The following CADM2 variants were observed in gnomAD, a reference collection of about 807,000 sequenced individuals.
The protein encoded by CADM2 is cell adhesion molecule 2.
Under a neutral mutation model 49.8 loss-of-function variants are expected in CADM2, and 12 were observed. The observed-to-expected ratio is 0.24, with a 90% CI of 0.15 to 0.39. The LOEUF is 0.39. Among genes scored for constraint, CADM2 ranks in the 10% least tolerant of loss-of-function variants. The pLI, the probability that CADM2 is intolerant of heterozygous loss-of-function variation, is 1.00. For synonymous variants in CADM2, 214 were observed against 175.4 expected, an observed-to-expected ratio of 1.22 and a Z score of -1.74; for missense variants, 378 against 492.3, an observed-to-expected ratio of 0.77 and a Z score of 2.20.
intron 1 of CADM2, among the ~76,000 whole-genome samples, chr3:85,429,434 G>A (rs74791095): frequency 0.046 from 6,959 of 151,998 alleles, 544 homozygotes; most frequent in African/African-American, 0.16. Context: ...CAATCAACTG[G>A]TATAGGGTTT....
chr3:85,938,796 C>T (rs998370111), intron 7 of CADM2, among the ~76,000 whole-genome samples: 2 of 151,760 alleles, frequency 1.3e-5, no homozygotes, highest in African/African-American at 4.8e-5. Flanking sequence ...TAAGTAAGCA[C>T]TTAATTTTTA....
At chr3:85,710,198 A>G (rs939464441) in intron 1 of CADM2, among the ~76,000 whole-genome samples, 5 of 152,152 alleles carry the variant, frequency 3.3e-5, no homozygotes, top group African/African-American at 1.2e-4. Flanking sequence ...ACAAGCTAAA[A>G]GACCTCCTTC....
intron 1 of CADM2, among the ~76,000 whole-genome samples, chr3:85,008,895 A>G (rs2033862507): frequency 6.6e-6 from 1 of 152,324 alleles, no homozygotes; most frequent in African/African-American, 2.4e-5. Flanking sequence ...CGGATACTAA[A>G]TGAAATCTTT....
At chr3:85,437,312 C>A (rs1035608871) in intron 1 of CADM2, among the ~76,000 whole-genome samples, 1 of 152,100 alleles carries the variant, frequency 6.6e-6, no homozygotes, top group African/African-American at 2.4e-5. Flanking sequence ...TTTCTGTAAA[C>A]AGCTGTGTGC....
chr3:85,184,009 T>A (rs1342180191), intron 1 of CADM2, among the ~76,000 whole-genome samples: 1 of 152,080 alleles, frequency 6.6e-6, no homozygotes, highest in Non-Finnish European at 1.5e-5. Flanking sequence ...AATGGTTAGA[T>A]CATTAGGTGT....
chr3:85,888,423 A>T (rs1318659759), intron 5 of CADM2, among the ~76,000 whole-genome samples: 1 of 152,208 alleles, frequency 6.6e-6, no homozygotes, highest in East Asian at 1.9e-4. Flanking sequence ...CTTATAAACA[A>T]CATAGTTTAA....
chr3:85,941,961 A>G (rs1721963555), intron 7 of CADM2, among the ~76,000 whole-genome samples: 1 of 152,100 alleles, frequency 6.6e-6, no homozygotes, highest in Non-Finnish European at 1.5e-5. Context: ...GACTGCTGTA[A>G]TCGTTTCAAT....
chr3:85,158,567 A>T (rs1027278182), intron 1 of CADM2, among the ~76,000 whole-genome samples: 3 of 152,194 alleles, frequency 2.0e-5, no homozygotes, highest in Non-Finnish European at 4.4e-5. Flanking sequence ...GGAAATCATC[A>T]TTCTCAGTAA....
intron 6 of CADM2, among the ~76,000 whole-genome samples, chr3:85,916,148 TGCC>T (rs1718275349): frequency 1.3e-5 from 2 of 152,152 alleles, no homozygotes; most frequent in African/African-American, 4.8e-5. Flanking sequence ...ATTTAAATAC[TGCC>T]ACTATGATGA....
intron 3 of CADM2, among the ~76,000 whole-genome samples, chr3:85,838,303 A>G (rs2074490203): frequency 6.6e-6 from 1 of 151,772 alleles, no homozygotes; most frequent in African/African-American, 2.4e-5. Context: ...GGGCTCAAGA[A>G]AAAATAAAAA....
intron 8 of CADM2, among the ~76,000 whole-genome samples, chr3:85,983,214 C>T (rs1451856121): frequency 2.6e-5 from 4 of 151,524 alleles, no homozygotes; most frequent in African/African-American, 4.8e-5. Context: ...TGAGAATTTG[C>T]GCAACTCTTC....
chr3:85,184,860 T>A (rs2041017870), intron 1 of CADM2, among the ~76,000 whole-genome samples: 1 of 152,146 alleles, frequency 6.6e-6, no homozygotes, highest in South Asian at 2.1e-4. Flanking sequence ...ACCTTAGTTC[T>A]TCACTGTTAG....
At chr3:85,000,048 C>T in intron 1 of CADM2, among the ~76,000 whole-genome samples, 1 of 151,676 alleles carries the variant, frequency 6.6e-6, no homozygotes, top group East Asian at 1.9e-4. Context: ...TGATTGGGAC[C>T]TTACAAATTT....
chr3:85,304,683 T>C lies in CADM2; in HGVS notation c.61+345015T>C, dbSNP rs2044173953. Among the ~76,000 whole-genome samples, 3 of 151,842 alleles carry C rather than the reference T, an allele frequency of 2.0e-5. No individual in the cohort carries two copies. In the South Asian group the frequency reaches 6.2e-4, roughly 31 times the overall value. On this transcript the variant is annotated intron_variant, in intron 1 of 9. Transcript: ENST00000383699. ...AACTTTGTTTTTTAAGACATAATAA[T>C]TTAGAATTGATTTGCATAGGCATAC...
intron 6 of CADM2, among the ~76,000 whole-genome samples, chr3:85,919,119 A>G (rs1718765491): frequency 1.3e-5 from 2 of 152,082 alleles, no homozygotes; most frequent in Admixed American, 1.3e-4. Context: ...AGAACTGAAA[A>G]TATGAAAAAT....
chr3:85,070,973 A>G (rs1327051900), intron 1 of CADM2, among the ~76,000 whole-genome samples: 2 of 150,114 alleles, frequency 1.3e-5, no homozygotes, highest in Non-Finnish European at 3.0e-5. Flanking sequence ...TGGGCAATAG[A>G]GCGAAACTCT....
Position 85,446,677 on chromosome 3 carries a change from A to G in CADM2, c.62-279845A>G, listed in dbSNP as rs1576570807. Among the ~76,000 whole-genome samples, 3 of 145,070 alleles carry G rather than the reference A, an allele frequency of 2.1e-5. No individual in the cohort carries two copies. The South Asian group carries it at 6.4e-4, about 31-fold the overall frequency. ...GAGTACAAGGGTGCTATCTCAGCTC[A>G]CCGCAACCTCCCCATCCCAGGTTCA... On this transcript the variant is annotated intron_variant, in intron 1 of 9. Coordinates refer to ENST00000383699, the MANE Select transcript of CADM2 (RefSeq NM_001167675.2).
chr3:85,650,853 A>T lies in CADM2; in HGVS notation c.62-75669A>T, dbSNP rs978558404. Among the ~76,000 whole-genome samples, 4 of 149,976 alleles carry T rather than the reference A, an allele frequency of 2.7e-5. No individual in the cohort carries two copies. The East Asian group carries it at 7.8e-4, about 29-fold the overall frequency. On this transcript the variant is annotated intron_variant, in intron 1 of 9. Coordinates refer to ENST00000383699, the MANE Select transcript of CADM2 (RefSeq NM_001167675.2). ...ATAAATGTTAATTTTCAAAAGAAGG[A>T]TGCCTTCTAAATGGCCACATTATAT...
chr3:85,207,489 A>G (rs2041676270), intron 1 of CADM2, among the ~76,000 whole-genome samples: 1 of 152,148 alleles, frequency 6.6e-6, no homozygotes. Flanking sequence ...TCTATTTCAT[A>G]TCAGTTGCCA....
Sources: allele counts gnomAD v4.1 joint callset (sites outside exome capture counted in the v4.1 genomes callset), GRCh38; gene constraint gnomAD v4.1.1; transcripts MANE v1.5; gene names NCBI Gene and HGNC (gene_info 2026-07-23, HGNC 2026-07-21).